TRPM3: variants seen among roughly 807,000 people sequenced by gnomAD.
The protein encoded by TRPM3 is long transient receptor potential channel 3.
A neutral mutation model predicts 181.2 loss-of-function variants in TRPM3; 77 were observed. The observed-to-expected ratio is 0.42, with a 90% confidence interval of 0.35 to 0.51. The LOEUF (loss-of-function observed/expected upper bound fraction) is 0.51, where lower values mean the gene tolerates loss of function less well. Ranked by LOEUF, TRPM3 falls within the 20% of genes least tolerant of loss-of-function variation. TRPM3 has a pLI of 0.01. For missense variants in TRPM3, 1,759 were observed against 2,196.7 expected (o/e 0.80, Z 3.98); for synonymous variants, 745 against 796.4 (o/e 0.94, Z 1.09).
chr9:70,789,627 G>C (rs908850989), intron 6 of TRPM3, among the ~76,000 whole-genome samples: 8 of 152,128 alleles, frequency 5.3e-5, no homozygotes, highest in African/African-American at 1.9e-4. Flanking sequence ...TTTTATTTGA[G>C]AGCAATATAA....
At chr9:71,029,035 C>T (rs2134634700) in intron 1 of TRPM3, among the ~76,000 whole-genome samples, 1 of 152,098 alleles carries the variant, frequency 6.6e-6, no homozygotes, top group East Asian at 1.9e-4. Context: ...GGACACAAAA[C>T]AATGCTCAGC....
chr9:71,445,263 G>A (rs1178268986), intron 1 of TRPM3, among the ~76,000 whole-genome samples: 3 of 152,108 alleles, frequency 2.0e-5, no homozygotes, highest in Admixed American at 1.3e-4. Flanking sequence ...TTAAAAAGAG[G>A]ATTGAATTTT....
At chr9:71,411,867 C>A (rs1485239360) in intron 1 of TRPM3, among the ~76,000 whole-genome samples, 1 of 152,174 alleles carries the variant, frequency 6.6e-6, no homozygotes, top group Non-Finnish European at 1.5e-5. Context: ...GCTACAGTAA[C>A]CAAAACAGCA....
At chr9:71,084,326 A>T (rs536554648) in intron 1 of TRPM3, among the ~76,000 whole-genome samples, 1 of 152,206 alleles carries the variant, frequency 6.6e-6, no homozygotes, top group South Asian at 2.1e-4. Flanking sequence ...ATAGGGAATG[A>T]ATTAGTAATA....
intron 1 of TRPM3, among the ~76,000 whole-genome samples, chr9:71,277,179 G>A (rs983588853): frequency 6.6e-6 from 1 of 152,128 alleles, no homozygotes; most frequent in African/African-American, 2.4e-5. Flanking sequence ...TAACAAACAT[G>A]ATATTCAGGA....
At chr9:70,638,662 G>A (rs2057592635) in intron 11 of TRPM3, among the ~76,000 whole-genome samples, 1 of 152,140 alleles carries the variant, frequency 6.6e-6, no homozygotes, top group Non-Finnish European at 1.5e-5. Flanking sequence ...TCATAGCTCT[G>A]AGGATAAAAA....
intron 1 of TRPM3, among the ~76,000 whole-genome samples, chr9:71,270,970 G>C (rs2083743854): frequency 6.6e-6 from 1 of 152,130 alleles, no homozygotes; most frequent in Non-Finnish European, 1.5e-5. Flanking sequence ...CTCCAGCCCA[G>C]TTGAGCCATC....
chr9:71,346,441 G>C (rs768571625), intron 1 of TRPM3, among the ~76,000 whole-genome samples: 6 of 152,116 alleles, frequency 3.9e-5, no homozygotes, highest in Non-Finnish European at 7.4e-5. Context: ...AATAATGCAA[G>C]TACAAAATTA....
At chr9:71,081,751 G>T (rs2064382665) in intron 1 of TRPM3, among the ~76,000 whole-genome samples, 1 of 152,064 alleles carries the variant, frequency 6.6e-6, no homozygotes, top group Admixed American at 6.6e-5. Flanking sequence ...TACATGCTTT[G>T]TATCCTATTT....
Position 70,861,223 on chromosome 9 carries a change from T to C in TRPM3, c.462+1685A>G, listed in dbSNP as rs1050876886. On this transcript the variant is annotated intron_variant, in intron 3 of 25. Transcript: ENST00000677713. ...ATTTTCCATTAAAACTATCATTTGA[T>C]GAAAATACAGACTGCTTTTCTCTTG... Among the ~76,000 whole-genome samples, 105 of 152,328 alleles carry C rather than the reference T, an allele frequency of 6.9e-4. 1 individual carries two copies. The highest frequency in any genetic ancestry group is 2.4e-3 in the African/African-American group (101 of 41,580).
At chr9:71,339,122 A>T (rs1393387278) in intron 1 of TRPM3, among the ~76,000 whole-genome samples, 1 of 152,150 alleles carries the variant, frequency 6.6e-6, no homozygotes, top group Non-Finnish European at 1.5e-5. Context: ...CAATAAAAAA[A>T]TACTCAAAAA....
At chr9:71,315,294 TCA>T (rs2088455004) in intron 1 of TRPM3, among the ~76,000 whole-genome samples, 1 of 152,168 alleles carries the variant, frequency 6.6e-6, no homozygotes, top group Non-Finnish European at 1.5e-5. Context: ...TGATTTACAT[TCA>T]CACATGAACT....
At chr9:70,908,821 C>T (rs1458748586) in intron 1 of TRPM3, among the ~76,000 whole-genome samples, 1 of 152,162 alleles carries the variant, frequency 6.6e-6, no homozygotes, top group African/African-American at 2.4e-5. Context: ...AGAAGCAGAC[C>T]TATGCATATA....
chr9:71,158,570 C>A (rs987139732), intron 1 of TRPM3, among the ~76,000 whole-genome samples: 2 of 152,078 alleles, frequency 1.3e-5, no homozygotes, highest in African/African-American at 4.8e-5. Flanking sequence ...ATCGAATAAG[C>A]AGTGCACTTG....
At chr9:71,116,421 C>T (rs2072394320) in intron 1 of TRPM3, among the ~76,000 whole-genome samples, 1 of 152,138 alleles carries the variant, frequency 6.6e-6, no homozygotes, top group South Asian at 2.1e-4. Flanking sequence ...ATAATTATTC[C>T]TTGAAGAGTT....
intron 1 of TRPM3, among the ~76,000 whole-genome samples, chr9:71,243,682 G>C (rs980556207): frequency 1.3e-5 from 2 of 152,142 alleles, no homozygotes; most frequent in Non-Finnish European, 2.9e-5. Flanking sequence ...TATATTCACT[G>C]ATCACTTACT....
At chr9:70,743,347 A>G in intron 8 of TRPM3, among the ~76,000 whole-genome samples, 1 of 152,188 alleles carries the variant, frequency 6.6e-6, no homozygotes, top group Admixed American at 6.5e-5. Context: ...TTTTCTTCAA[A>G]TTAATTCCCC....
At position 70,578,855 on chromosome 9, in the gene TRPM3, GAGA is replaced by G. The variant is rs1373147316; in HGVS notation, c.3223+12173_3223+12175del. 7.2e-5 allele frequency among the ~76,000 whole-genome samples: 11 copies of G among 152,294 alleles called. No individual in the cohort carries two copies. In the East Asian group the frequency reaches 2.1e-3, roughly 29 times the overall value. Reference sequence around the variant, plus strand: ...TTTGGGTGGGATAATTCTTTGTCTGGAGAAGATGTCCTGTGCATCAGGGGATGT... The same window carrying G: ...TTTGGGTGGGATAATTCTTTGTCTGGAGATGTCCTGTGCATCAGGGGATGT... On this transcript the variant is annotated intron_variant, in intron 22 of 25. Coordinates refer to ENST00000677713, the MANE Select transcript of TRPM3 (RefSeq NM_001366145.2).
In TRPM3 at chr9:71,241,737, C is replaced by G. The variant is rs184013769; in HGVS notation, c.183+204916G>C. ...CCGTAACATATTAATGCTTCATAAG[C>G]TTACTAATCTGACATACTATAAAAC... On this transcript the variant is annotated intron_variant, in intron 1 of 24. Transcript: ENST00000357533. 3.1e-3 allele frequency among the ~76,000 whole-genome samples: 477 copies of G among 152,198 alleles called. 2 individuals carry two copies. Among genetic ancestry groups the G allele is most frequent in the African/African-American group, 0.011 (447 of 41,542 alleles).
Sources: allele counts gnomAD v4.1 joint callset (sites outside exome capture counted in the v4.1 genomes callset), GRCh38; gene constraint gnomAD v4.1.1; transcripts MANE v1.5; gene names NCBI Gene and HGNC (gene_info 2026-07-23, HGNC 2026-07-21).